Variants in CDR2L observed in about 807,000 individuals in gnomAD.
CDR2L encodes the protein cerebellar degeneration related protein 2 like.
Under a neutral mutation model 36.1 loss-of-function variants are expected in CDR2L, and 19 were observed. The ratio of observed to expected loss-of-function variants is 0.53; its 90% CI spans 0.37 to 0.77. CDR2L has a LOEUF of 0.77. Ranked by LOEUF, CDR2L falls within the 30% of genes least tolerant of loss-of-function variation. CDR2L has a pLI of 0.00. For synonymous variants in CDR2L, 285 were observed against 280.4 expected, an observed-to-expected ratio of 1.02 and a Z score of -0.16; for missense variants, 575 against 627.2, an observed-to-expected ratio of 0.92 and a Z score of 0.89.
At chr17:74,996,855 T>G (rs767143419) in intron 1 of CDR2L, among the ~76,000 whole-genome samples, 17 of 152,112 alleles carry the variant, frequency 1.1e-4, no homozygotes, top group Non-Finnish European at 1.9e-4. Context: ...GATACCTGAA[T>G]TCTCCCCCTA....
chr17:74,996,814 C>G (rs2039828997), intron 1 of CDR2L, among the ~76,000 whole-genome samples: 1 of 152,102 alleles, frequency 6.6e-6, no homozygotes, highest in Non-Finnish European at 1.5e-5. Context: ...GCACATGTCA[C>G]TAGGGTCAAA....
rs1291012301 is a variant in CDR2L, at chr17:75,001,345, T to C, written c.197T>C (p.Leu66Pro). 2 of 1,606,014 alleles carry C rather than the reference T, an allele frequency of 1.2e-6. No individual in the cohort carries two copies. The highest frequency in any genetic ancestry group is 1.7e-5 in the Admixed American group (1 of 58,674). ...TCAATGTCCTTCCACCCCCAGTACC[T>C]AACCAAGCAGCTGGACACGCTGCGG... Reference protein sequence around the residue: ...NEEQVQEIEYLTKQLDTLRHV... With the variant: ...NEEQVQEIEYPTKQLDTLRHV... Residue 66 changes from leucine (L) to proline (P), a missense_variant, in exon 3 of 5, where the codon CTA (leucine) becomes CCA (proline). Coordinates refer to ENST00000337231, the MANE Select transcript of CDR2L (RefSeq NM_014603.3).
intron 2 of CDR2L, 107 bp from the exon 3 acceptor site, chr17:75,001,234 A>G: frequency 8.6e-7 from 1 of 1,156,930 alleles, no homozygotes; most frequent in Non-Finnish European, 1.2e-6. Flanking sequence ...ACTCTGTATC[A>G]AAAGAAAAGA....
At chr17:75,003,086 TG>T in intron 4 of CDR2L, 96 bp from the exon 5 acceptor site, 1 of 1,285,236 alleles carries the variant, frequency 7.8e-7, no homozygotes, top group Admixed American at 2.4e-5. Flanking sequence ...ACAAGAGAGA[TG>T]TAAGCGCCCT....
rs1040828059 is a variant in CDR2L, at chr17:75,002,347, G to C, written c.506+119G>C. ...GGCCATCAGAGAGACTGGTCCTGTT[G>C]CTAATGACAGTCACAGCAGCTGGCG... On this transcript the variant is annotated intron_variant, in intron 4 of 4. Transcript: ENST00000337231. The surrounding 1 kb of genome is among the most constrained non-coding windows in gnomAD (Gnocchi z 4.1). 2.2e-5 allele frequency: 19 copies of C among 850,410 alleles called. No homozygotes were observed. In the African/African-American group the frequency reaches 2.4e-4, roughly 11 times the overall value. The allele number at this position is 850,410 out of a possible 1,614,324, so 52.7% of individuals were successfully genotyped here.
Position 75,004,425 on chromosome 17 carries a change from G to T in CDR2L, c.*351G>T. ...TTCTGAAAGCCATTCTGGATCAGTT[G>T]GCTTTTTTTTTTTTTTTGGTTAAGT... On this transcript the variant is annotated 3_prime_UTR_variant, in exon 5 of 5. Transcript: ENST00000337231. The T allele has an allele frequency of 5.6e-6, 1 of 180,126 alleles. No individual in the cohort carries two copies. Among genetic ancestry groups the T allele is most frequent in the Non-Finnish European group, 1.0e-5 (1 of 99,178 alleles). 11.2% of individuals were successfully genotyped at this position (180,126 alleles called of 1,614,324 possible). A position where few individuals can be genotyped will look rare whatever the true frequency, so the allele number is the denominator to read the frequency against.
intron 1 of CDR2L, among the ~76,000 whole-genome samples, chr17:74,991,440 G>A (rs1360041470): frequency 7.0e-6 from 1 of 143,448 alleles, no homozygotes; most frequent in Non-Finnish European, 1.5e-5. Flanking sequence ...AGAAAGAGCC[G>A]GGCACGGTGG....
At chr17:74,990,999 G>A (rs892177800) in intron 1 of CDR2L, among the ~76,000 whole-genome samples, 5 of 152,224 alleles carry the variant, frequency 3.3e-5, no homozygotes, top group African/African-American at 4.8e-5. Flanking sequence ...TGACTGTAGA[G>A]ATCCTGTTTG....
rs913434916 is a variant in CDR2L at position 75,005,467 on chromosome 17, G to A, written c.*1393G>A. The A allele has an allele frequency of 2.6e-5, 4 of 152,722 alleles. No homozygotes were observed. The highest frequency in any genetic ancestry group is 9.6e-5 in the African/African-American group (4 of 41,454). The allele number at this position is 152,722 out of a possible 1,614,324, so 9.5% of individuals were successfully genotyped here. On this transcript the variant is annotated 3_prime_UTR_variant, in exon 5 of 5. Coordinates refer to ENST00000337231, the MANE Select transcript of CDR2L (RefSeq NM_014603.3). This position sits in a 1 kb window ranked among gnomAD's most constrained non-coding sequence, Gnocchi z 4.2. ...GCCTTATTTATTTCTAATGGGTAAA[G>A]GGGTTTTCTTACCAAGCATCCCTGA...
At chr17:74,991,642 G>A (rs927797003) in intron 1 of CDR2L, among the ~76,000 whole-genome samples, 3 of 151,872 alleles carry the variant, frequency 2.0e-5, no homozygotes, top group South Asian at 4.1e-4. Context: ...GTGTGAACCC[G>A]GGAGGCAGAG....
chr17:74,995,487 G>T (rs1263901800), intron 1 of CDR2L, among the ~76,000 whole-genome samples: 1 of 149,884 alleles, frequency 6.7e-6, no homozygotes, highest in African/African-American at 2.5e-5. Context: ...TAAATCACCA[G>T]TTTGTTGTTG....
chr17:74,997,142 G>C (rs1350124738), intron 1 of CDR2L, among the ~76,000 whole-genome samples: 4 of 144,390 alleles, frequency 2.8e-5, no homozygotes, highest in Non-Finnish European at 6.0e-5. Context: ...GCAGTGGCAC[G>C]ATCTCGGCTC....
At chr17:74,997,069 TTTC>T (rs2039832256) in intron 1 of CDR2L, among the ~76,000 whole-genome samples, 1 of 4,516 alleles carries the variant, frequency 2.2e-4, no homozygotes, top group African/African-American at 3.1e-4. Context: ...TCTTTCTTTC[TTTC>T]TTTCTTTCTT....
chr17:75,003,705 C>A lies in CDR2L; in HGVS notation c.1029C>A (p.Asn343Lys). The A allele has an allele frequency of 1.4e-6, 2 of 1,465,220 alleles. No individual in the cohort carries two copies. Among genetic ancestry groups the A allele is most frequent in the Non-Finnish European group, 1.8e-6 (2 of 1,107,144 alleles). 90.8% of individuals were successfully genotyped at this position (1,465,220 alleles called of 1,614,324 possible). ...CGGGCAACCTCACACTGCACGCCAACAGCGTGCGCAAGCGGGGCATGTCCA... is the reference window on the plus strand; with the variant it reads ...CGGGCAACCTCACACTGCACGCCAAAAGCGTGCGCAAGCGGGGCATGTCCA... Reference protein sequence around the residue: ...RHAGNLTLHANSVRKRGMSIL... With the variant: ...RHAGNLTLHAKSVRKRGMSIL... Residue 343 changes from asparagine to lysine, a missense_variant, in exon 5 of 5, where the codon AAC (asparagine) becomes AAA (lysine). Physicochemically the swap from Asn to Lys is moderately conservative, Grantham distance 94. Coordinates refer to ENST00000337231, the MANE Select transcript of CDR2L (RefSeq NM_014603.3).
Position 75,003,243 on chromosome 17 carries a change from G to A in CDR2L, c.567G>A (p.Glu189=). Residue 189 remains glutamate (E), a synonymous_variant, in exon 5 of 5, where the codon GAG becomes GAA. Coordinates refer to ENST00000337231, the MANE Select transcript of CDR2L (RefSeq NM_014603.3). ...SSLELGPRPL[E]QENERLQTLV... ...TGGAGCTGGGCCCGCGGCCCCTGGA[G>A]CAGGAGAACGAGCGGCTGCAGACCC... 4 of 1,563,488 alleles carry A rather than the reference G, an allele frequency of 2.6e-6. No homozygotes were observed. The highest frequency in any genetic ancestry group is 2.6e-6 in the Non-Finnish European group (3 of 1,154,918).
rs572490125 is a variant in CDR2L, at chr17:75,004,367, C to G, written c.*293C>G. 1 of 354,800 alleles carries G rather than the reference C, an allele frequency of 2.8e-6. No individual in the cohort carries two copies. Among genetic ancestry groups the G allele is most frequent in the Admixed American group, 4.4e-5 (1 of 22,816 alleles). 22.0% of individuals were successfully genotyped at this position (354,800 alleles called of 1,614,324 possible). ...GCTCCCCCAGCCCCTGGCTTCCTGA[C>G]CCTGCGCCTCACCCTCAGACTGGTG... is the stretch of plus-strand genomic sequence containing the variant. On this transcript the variant is annotated 3_prime_UTR_variant, in exon 5 of 5. Coordinates refer to ENST00000337231, the MANE Select transcript of CDR2L (RefSeq NM_014603.3).
rs963214276 is a variant in CDR2L, at chr17:74,989,651, T to TATTC, written c.79+1532_79+1533insCATT. On this transcript the variant is annotated intron_variant, in intron 1 of 4. Coordinates refer to ENST00000337231, the MANE Select transcript of CDR2L (RefSeq NM_014603.3). This position sits in a 1 kb window ranked among gnomAD's most constrained non-coding sequence, Gnocchi z 4.2. ...ACAGTATTTTTTTCTTTTTTCTTTT[T>TATTC]ATTTATTTATTTATTTATTTTCAGA... 1.3e-4 allele frequency among the ~76,000 whole-genome samples: 19 copies of TATTC among 151,894 alleles called. No homozygotes were observed. The highest frequency in any genetic ancestry group is 4.6e-4 in the Admixed American group (7 of 15,246).
chr17:74,996,670 C>G (rs1051514524), intron 1 of CDR2L, among the ~76,000 whole-genome samples: 3 of 152,072 alleles, frequency 2.0e-5, no homozygotes, highest in African/African-American at 7.2e-5. Context: ...CCCTCCTAGC[C>G]TATCTGATGG....
chr17:75,003,654 G>A lies in CDR2L; in HGVS notation c.978G>A (p.Val326=), dbSNP rs2039883166. 2 of 1,458,862 alleles carry A rather than the reference G, an allele frequency of 1.4e-6. No individual in the cohort carries two copies. The highest frequency in any genetic ancestry group is 2.9e-5 in the South Asian group (2 of 68,870). 90.4% of individuals were successfully genotyped at this position (1,458,862 alleles called of 1,614,324 possible). Residue 326 remains valine, a synonymous_variant, in exon 5 of 5, where the codon GTG becomes GTA. Coordinates refer to ENST00000337231, the MANE Select transcript of CDR2L (RefSeq NM_014603.3). ...SCSDTALNAI[V]AKDPASRHAG... ...GCGACACTGCGCTCAACGCCATCGT[G>A]GCCAAAGACCCAGCCAGCCGGCACG...
Sources: allele counts gnomAD v4.1 joint callset (sites outside exome capture counted in the v4.1 genomes callset), GRCh38; gene constraint gnomAD v4.1.1; non-coding constraint Gnocchi (gnomAD v3.1); transcripts MANE v1.5; gene names NCBI Gene and HGNC (gene_info 2026-07-23, HGNC 2026-07-21).